The following ADIPOQ variants were observed in gnomAD, a reference collection of about 807,000 sequenced individuals.
ADIPOQ encodes the protein adiponectin, C1Q and collagen domain containing, also known as adiponectin.
Under a neutral mutation model 16.1 loss-of-function variants are expected in ADIPOQ, and 19 were observed. The observed-to-expected ratio is 1.18, with a 90% CI of 0.82 to 1.73. The LOEUF (loss-of-function observed/expected upper bound fraction) is 1.73, where lower values mean the gene tolerates loss of function less well. ADIPOQ is among the 40% of genes most tolerant of loss of function. ADIPOQ has a pLI of 0.00. For missense variants in ADIPOQ, 323 were observed against 308.3 expected, an observed-to-expected ratio of 1.05 and a Z score of -0.36; for synonymous variants, 124 against 125.5, an observed-to-expected ratio of 0.99 and a Z score of 0.08.
At chr3:186,844,197 T>A (rs903311279) in intron 1 of ADIPOQ, among the ~76,000 whole-genome samples, 1 of 151,730 alleles carries the variant, frequency 6.6e-6, no homozygotes, top group African/African-American at 2.4e-5. Flanking sequence ...TCTTGAGGAG[T>A]CTTTTTTTGG....
intron 2 of ADIPOQ, 123 bp from the exon 3 acceptor site, chr3:186,854,061 G>T: frequency 1.9e-6 from 2 of 1,034,706 alleles, no homozygotes; most frequent in African/African-American, 1.6e-5. Context: ...AGCTCTTATT[G>T]GTTTCTTGAT....
chr3:186,852,457 C>CCT (rs377659491), intron 1 of ADIPOQ: 3 of 154,098 alleles, frequency 1.9e-5, no homozygotes, highest in East Asian at 1.9e-4. Flanking sequence ...TCTCTCCCTC[C>CCT]CTCTCTCTCT....
At chr3:186,843,655 T>A (rs1395590002) in intron 1 of ADIPOQ, among the ~76,000 whole-genome samples, 1 of 76,406 alleles carries the variant, frequency 1.3e-5, no homozygotes. Flanking sequence ...AGCGAGACTT[T>A]GTGTCAAAAA....
intron 2 of ADIPOQ, among the ~76,000 whole-genome samples, 176 bp downstream of exon 2, chr3:186,853,448 G>A (rs998104526): frequency 6.6e-6 from 1 of 152,230 alleles, no homozygotes; most frequent in Admixed American, 6.5e-5. Flanking sequence ...TGTAGATGGT[G>A]CCTCTATAAC....
chr3:186,843,842 TCTGAGG>T (rs1263957339), intron 1 of ADIPOQ, among the ~76,000 whole-genome samples: 8 of 152,134 alleles, frequency 5.3e-5, no homozygotes, highest in Non-Finnish European at 1.2e-4. Flanking sequence ...GAGTGCTGTT[TCTGAGG>T]CATCCTGGTT....
intron 1 of ADIPOQ, among the ~76,000 whole-genome samples, chr3:186,848,843 C>T (rs1241515471): frequency 6.6e-6 from 1 of 152,140 alleles, no homozygotes; most frequent in Non-Finnish European, 1.5e-5. Context: ...TTATTAATTG[C>T]TGGTTTCCCA....
chr3:186,853,106 T>C lies in ADIPOQ; in HGVS notation c.48T>C (p.His16=). The change falls in exon 2 of 3, where the codon CAT becomes CAC. Residue 16 remains histidine (H), a synonymous_variant. Transcript: ENST00000320741. ...TACTGCTATTAGCTCTGCCCGGTCA[T>C]GACCAGGAAACCACGACTCAAGGGC... ...AVLLLLALPG[H]DQETTTQGPG... 6.2e-7 allele frequency: 1 copy of C among 1,614,164 alleles called. No homozygotes were observed.
At chr3:186,852,747 T>TGGACCTGTGCTC (rs1365138521) in intron 1 of ADIPOQ, 14 of 343,872 alleles carry the variant, frequency 4.1e-5, no homozygotes, top group Non-Finnish European at 7.0e-5. Flanking sequence ...TCCCTGTGCT[T>TGGACCTGTGCTC]GGTCCTGTGC....
At chr3:186,851,411 C>A (rs1711762433) in intron 1 of ADIPOQ, among the ~76,000 whole-genome samples, 1 of 151,974 alleles carries the variant, frequency 6.6e-6, no homozygotes, top group South Asian at 2.1e-4. Context: ...GAGGTGGAGG[C>A]CTAAGATCCC....
chr3:186,849,670 TTC>T (rs888715609), intron 1 of ADIPOQ, among the ~76,000 whole-genome samples: 1 of 152,186 alleles, frequency 6.6e-6, no homozygotes, highest in Non-Finnish European at 1.5e-5. Context: ...TCTGTCTCTC[TTC>T]TCTCTGTCTG....
rs775692073 is a variant in ADIPOQ, at chr3:186,854,594, G to A, written c.625G>A (p.Asp209Asn). 13 of 1,613,894 alleles carry A rather than the reference G, an allele frequency of 8.1e-6. No homozygotes were observed. Among genetic ancestry groups the A allele is most frequent in the East Asian group, 2.2e-5 (1 of 44,892 alleles). ...TGTGCTCCTGCATCTGGAGGTGGGCGACCAAGTCTGGCTCCAGGTGTATGG... is the reference window on the plus strand; with the variant it reads ...TGTGCTCCTGCATCTGGAGGTGGGCAACCAAGTCTGGCTCCAGGTGTATGG... ...GSVLLHLEVG[D>N]QVWLQVYGEG... The change falls in exon 3 of 3, where the codon GAC becomes AAC. Residue 209 changes from aspartate to asparagine, a missense_variant. Physicochemically the swap from Asp to Asn is conservative, Grantham distance 23. Transcript: ENST00000320741.
At chr3:186,849,037 T>C (rs193038213) in intron 1 of ADIPOQ, among the ~76,000 whole-genome samples, 169 of 152,276 alleles carry the variant, frequency 1.1e-3, no homozygotes, top group African/African-American at 3.8e-3. Flanking sequence ...ATACTGAAGT[T>C]TGGGGACAAA....
At chr3:186,847,932 G>A (rs1368991282) in intron 1 of ADIPOQ, among the ~76,000 whole-genome samples, 1 of 152,176 alleles carries the variant, frequency 6.6e-6, no homozygotes, top group Non-Finnish European at 1.5e-5. Flanking sequence ...AGCACTTTGG[G>A]AGGCCGAGGC....
At position 186,854,206 on chromosome 3, in the gene ADIPOQ, CAT is replaced by C. The variant is rs752416010; in HGVS notation, c.238_239del (p.Ile80ArgfsTer2). On this transcript the variant is annotated frameshift_variant, in exon 3 of 3. Transcript: ENST00000320741. LOFTEE classifies it high-confidence loss of function. ...DPGLIGPKGD[I>X]GETGVPGAEG... ...TAGGTCTTATTGGTCCTAAGGGAGA[CAT>C]CGGTGAAACCGGAGTACCCGGGGCT... The C allele has an allele frequency of 6.2e-7, 1 of 1,613,352 alleles. No homozygotes were observed. Among genetic ancestry groups the C allele is most frequent in the Non-Finnish European group, 8.5e-7 (1 of 1,179,510 alleles).
Position 186,854,302 on chromosome 3 carries a change from C to G in ADIPOQ, c.333C>G (p.Tyr111Ter), listed in dbSNP as rs1232806648. The G allele has an allele frequency of 6.2e-7, 1 of 1,614,230 alleles. No homozygotes were observed. Among genetic ancestry groups the G allele is most frequent in the Admixed American group, 1.7e-5 (1 of 60,020 alleles). The change falls in exon 3 of 3, where the codon TAC (tyrosine) becomes TAG (stop). Residue 111 changes from tyrosine (Y) to a stop codon, truncating the protein, a stop_gained. Transcript: ENST00000320741. LOFTEE classifies it high-confidence loss of function. The part of the protein sequence containing the change: ...KGEPGEGAYV[Y>*]RSAFSVGLET... Reference sequence around the variant, plus strand: ...AACCTGGAGAAGGTGCCTATGTATACCGCTCAGCATTCAGTGTGGGATTGG... The same window carrying G: ...AACCTGGAGAAGGTGCCTATGTATAGCGCTCAGCATTCAGTGTGGGATTGG...
chr3:186,857,532 A>G lies in ADIPOQ; in HGVS notation c.*2828A>G, dbSNP rs1194399158. On this transcript the variant is annotated 3_prime_UTR_variant, in exon 3 of 3. Coordinates refer to ENST00000320741, the MANE Select transcript of ADIPOQ (RefSeq NM_004797.4). The stretch of plus-strand genomic sequence containing the variant: ...TCTGGTTGGGGTGGGCTCCTTACAG[A>G]ACACGCTTTCACAGTTACCCTAAAC... 6.6e-6 allele frequency: 1 copy of G among 152,158 alleles called. No homozygotes were observed. Among genetic ancestry groups the G allele is most frequent in the Non-Finnish European group, 1.5e-5 (1 of 68,038 alleles). The allele number at this position is 152,158 out of a possible 1,614,324, so 9.4% of individuals were successfully genotyped here.
At chr3:186,848,183 A>AT (rs1711629058) in intron 1 of ADIPOQ, among the ~76,000 whole-genome samples, 2 of 55,404 alleles carry the variant, frequency 3.6e-5, no homozygotes, top group African/African-American at 1.8e-4. Flanking sequence ...AGAAACAAAA[A>AT]AAAAAGAGAG....
rs572373368 is a variant in ADIPOQ, at chr3:186,847,107, G to C, written c.-9+4358G>C. On this transcript the variant is annotated intron_variant, in intron 1 of 2. Coordinates refer to ENST00000320741, the MANE Select transcript of ADIPOQ (RefSeq NM_004797.4). Reference sequence around the variant, plus strand: ...TACACTCATCACTAACATTTACTGAGCACTGACATGTGCCAGACACCATTC... The same window carrying C: ...TACACTCATCACTAACATTTACTGACCACTGACATGTGCCAGACACCATTC... Among the ~76,000 whole-genome samples, 523 of 152,254 alleles carry C rather than the reference G, an allele frequency of 3.4e-3. 1 individual carries two copies. Among genetic ancestry groups the C allele is most frequent in the Non-Finnish European group, 6.4e-3 (434 of 68,030 alleles).
chr3:186,854,810 T>C lies in ADIPOQ; in HGVS notation c.*106T>C. On this transcript the variant is annotated 3_prime_UTR_variant, in exon 3 of 3. Transcript: ENST00000320741. ...TATTATTTAGTTGGAGGCCTTTAGA[T>C]ATTATTCATTCATTTACTCATTCAT... 1.4e-6 allele frequency: 2 copies of C among 1,416,508 alleles called. No individual in the cohort carries two copies. Among genetic ancestry groups the C allele is most frequent in the Non-Finnish European group, 2.0e-6 (2 of 1,019,598 alleles). 87.7% of individuals were successfully genotyped at this position (1,416,508 alleles called of 1,614,324 possible).
Sources: gnomAD v4.1 joint callset for allele counts (sites outside exome capture counted in the v4.1 genomes callset) on GRCh38, gnomAD v4.1.1 for gene constraint, MANE v1.5 for transcripts, NCBI Gene and HGNC (gene_info 2026-07-23, HGNC 2026-07-21) for gene names.